The following ELOC variants were observed in gnomAD, a reference collection of about 807,000 sequenced individuals.
The protein encoded by ELOC is elongin C, also known as elongin-C.
For missense variants in ELOC, 38 were observed against 139.0 expected, an observed-to-expected ratio of 0.27 and a Z score of 3.65; for synonymous variants, 40 against 51.3, an observed-to-expected ratio of 0.78 and a Z score of 0.94.
intron 3 of ELOC, among the ~76,000 whole-genome samples, chr8:73,953,650 A>T (rs1366441664): frequency 6.6e-6 from 1 of 151,942 alleles, no homozygotes; most frequent in Non-Finnish European, 1.5e-5. Flanking sequence ...ACGAGAGTGA[A>T]ACTCTGTCTC....
At chr8:73,958,572 T>A (rs1159211113) in intron 2 of ELOC, among the ~76,000 whole-genome samples, 1 of 152,230 alleles carries the variant, frequency 6.6e-6, no homozygotes, top group Admixed American at 6.5e-5. Context: ...TGTAAGTAGC[T>A]TCTAAATTAC....
chr8:73,951,302 G>A (rs1218836317), intron 3 of ELOC, among the ~76,000 whole-genome samples: 1 of 152,000 alleles, frequency 6.6e-6, no homozygotes, highest in Non-Finnish European at 1.5e-5. Context: ...CTGGATGATG[G>A]GCACATGGAG....
chr8:73,961,810 T>C (rs550273451), intron 1 of ELOC, among the ~76,000 whole-genome samples: 46 of 151,854 alleles, frequency 3.0e-4, no homozygotes, highest in South Asian at 2.1e-3. Context: ...GCAGAGAAAA[T>C]AGGCAGCACT....
chr8:73,952,048 A>G (rs1813806031), intron 3 of ELOC, among the ~76,000 whole-genome samples: 1 of 152,250 alleles, frequency 6.6e-6, no homozygotes, highest in Non-Finnish European at 1.5e-5. Flanking sequence ...CCAAACCCAT[A>G]AAACGCCTAT....
chr8:73,946,882 G>A, intron 3 of ELOC, 62 bp from the exon 4 acceptor site: 7 of 1,443,790 alleles, frequency 4.8e-6, no homozygotes, highest in Non-Finnish European at 6.7e-6. Flanking sequence ...TTCATATGTT[G>A]AAGTCTTAAC....
chr8:73,960,938 C>A (rs1814545472), intron 1 of ELOC, among the ~76,000 whole-genome samples: 1 of 135,106 alleles, frequency 7.4e-6, no homozygotes, highest in Admixed American at 7.8e-5. Context: ...ACAGTGAGAT[C>A]CTATCTCTAA....
chr8:73,959,339 A>G (rs1182094321), intron 2 of ELOC, among the ~76,000 whole-genome samples: 1 of 152,236 alleles, frequency 6.6e-6, no homozygotes, highest in Non-Finnish European at 1.5e-5. Context: ...CCTCCCAGGC[A>G]GCTGGACTAT....
intron 2 of ELOC, among the ~76,000 whole-genome samples, chr8:73,959,505 G>C (rs767925081): frequency 6.6e-6 from 1 of 152,138 alleles, no homozygotes; most frequent in Non-Finnish European, 1.5e-5. Flanking sequence ...ACAAGGACAA[G>C]ATCATCAAGA....
At position 73,971,032 on chromosome 8, in the gene ELOC, C is replaced by CAAAAAAA. The variant is rs67188912; in HGVS notation, c.-51+1038_-51+1044dup. Among the ~76,000 whole-genome samples the CAAAAAAA allele has an allele frequency of 8.0e-3, 493 of 61,870 alleles. 24 individuals carry two copies. Among genetic ancestry groups the CAAAAAAA allele is most frequent in the African/African-American group, 0.017 (264 of 15,458 alleles). The allele number at this position is 61,870 out of a possible 152,430, so 40.6% of individuals were successfully genotyped here. On this transcript the variant is annotated intron_variant, in intron 1 of 3. Transcript: ENST00000520242. ...CTCAGGACAGAGCGAGACTCCGTCT[C>CAAAAAAA]AAAAAAAAAAAAAAAAAAAGAAAAA...
chr8:73,955,786 CAT>C (rs775814635), intron 3 of ELOC, 123 bp downstream of exon 3: 1 of 1,148,484 alleles, frequency 8.7e-7, no homozygotes, highest in South Asian at 1.5e-5. Flanking sequence ...AGAACAAAAA[CAT>C]AATCATACAA....
At chr8:73,966,623 C>G (rs941286864) in intron 1 of ELOC, among the ~76,000 whole-genome samples, 1 of 151,430 alleles carries the variant, frequency 6.6e-6, no homozygotes, top group Non-Finnish European at 1.5e-5. Context: ...AGCCTGCTAC[C>G]AAGCCCGGCT....
chr8:73,966,847 T>G (rs961478357), intron 1 of ELOC, among the ~76,000 whole-genome samples: 1 of 152,138 alleles, frequency 6.6e-6, no homozygotes, highest in Non-Finnish European at 1.5e-5. Context: ...CTTTGCTACA[T>G]TATCCTGTTT....
At chr8:73,949,666 G>A (rs940528957) in intron 3 of ELOC, among the ~76,000 whole-genome samples, 12 of 152,274 alleles carry the variant, frequency 7.9e-5, no homozygotes, top group African/African-American at 2.6e-4. Context: ...GTGACATTTT[G>A]TGTCTGAGTT....
intron 2 of ELOC, 145 bp from the exon 3 acceptor site, chr8:73,956,199 T>C: frequency 1.5e-6 from 1 of 678,650 alleles, no homozygotes; most frequent in Non-Finnish European, 2.5e-6. Context: ...AAGACCAGCC[T>C]GGTCAAACAA....
chr8:73,969,767 A>C, intron 1 of ELOC: 1 of 152,184 alleles, frequency 6.6e-6, no homozygotes, highest in East Asian at 1.9e-4. Flanking sequence ...ATACTTGCTT[A>C]CTTACACATA....
At chr8:73,970,768 C>G (rs760888773) in intron 1 of ELOC, 1 of 151,494 alleles carries the variant, frequency 6.6e-6, no homozygotes, top group African/African-American at 2.4e-5. Flanking sequence ...CGCCTGTAAT[C>G]GTAGCTCTTT....
intron 1 of ELOC, among the ~76,000 whole-genome samples, chr8:73,971,317 C>T (rs1815385830): frequency 1.3e-5 from 2 of 152,158 alleles, no homozygotes; most frequent in African/African-American, 4.8e-5. Context: ...AGGAGAATCA[C>T]TTGAACCTGG....
At chr8:73,947,499 A>G (rs1321024791) in intron 3 of ELOC, among the ~76,000 whole-genome samples, 1 of 152,184 alleles carries the variant, frequency 6.6e-6, no homozygotes, top group African/African-American at 2.4e-5. Flanking sequence ...AGCCCTAGCA[A>G]ACTAATCATC....
At chr8:73,949,969 A>G (rs1813635866) in intron 3 of ELOC, among the ~76,000 whole-genome samples, 1 of 152,158 alleles carries the variant, frequency 6.6e-6, no homozygotes, top group Admixed American at 6.6e-5. Context: ...GCAATTCATC[A>G]GATTCATCAG....
Sources: allele counts gnomAD v4.1 joint callset (sites outside exome capture counted in the v4.1 genomes callset), GRCh38; gene constraint gnomAD v4.1.1; transcripts MANE v1.5; gene names NCBI Gene and HGNC (gene_info 2026-07-23, HGNC 2026-07-21).